The following GSE1 variants were observed in gnomAD, a reference collection of about 807,000 sequenced individuals.
GSE1 encodes genetic suppressor element 1.
Under a neutral mutation model 112.6 loss-of-function variants are expected in GSE1, and 32 were observed. The ratio of observed to expected loss-of-function variants is 0.28; its 90% CI spans 0.21 to 0.38. GSE1 has a LOEUF of 0.38. Ranked by LOEUF, GSE1 falls within the 10% of genes least tolerant of loss-of-function variation. The pLI is 1.00. For missense variants in GSE1, 2,348 were observed against 1,699.2 expected, an observed-to-expected ratio of 1.38 and a Z score of -6.71; for synonymous variants, 1,115 against 735.6, an observed-to-expected ratio of 1.52 and a Z score of -8.35.
chr16:85,422,369 C>CGG (rs1467172483), intron 2 of GSE1, among the ~76,000 whole-genome samples: 3 of 78,512 alleles, frequency 3.8e-5, no homozygotes, highest in Admixed American at 1.4e-4. Flanking sequence ...CTGGGCGGGG[C>CGG]GGGGGGGGGT....
intron 2 of GSE1, among the ~76,000 whole-genome samples, chr16:85,523,969 G>A (rs972950253): frequency 6.6e-6 from 1 of 152,184 alleles, no homozygotes; most frequent in Non-Finnish European, 1.5e-5. Context: ...GAACGCCTTG[G>A]GGAGGGGAGG....
chr16:85,201,380 G>A (rs559108297), intron 1 of GSE1, among the ~76,000 whole-genome samples: 4 of 150,420 alleles, frequency 2.7e-5, no homozygotes, highest in East Asian at 3.9e-4. Context: ...ACGTGAAGCC[G>A]GGCACGATGG....
At chr16:85,436,711 C>T (rs992121173) in intron 2 of GSE1, among the ~76,000 whole-genome samples, 1 of 152,242 alleles carries the variant, frequency 6.6e-6, no homozygotes, top group African/African-American at 2.4e-5. Flanking sequence ...CCCGTGGGCG[C>T]CTGTCTCCTG....
chr16:85,671,634 C>T (rs967815463), intron 15 of GSE1, among the ~76,000 whole-genome samples: 3 of 152,064 alleles, frequency 2.0e-5, no homozygotes, highest in Admixed American at 6.5e-5. Context: ...TAAATTCAGA[C>T]ACCAGTTGAT....
At chr16:85,387,201 G>A (rs2047706586) in intron 2 of GSE1, among the ~76,000 whole-genome samples, 1 of 152,178 alleles carries the variant, frequency 6.6e-6, no homozygotes, top group Non-Finnish European at 1.5e-5. Flanking sequence ...CCTAAGGAGG[G>A]TGGTGGGAGC....
intron 7 of GSE1, among the ~76,000 whole-genome samples, 186 bp downstream of exon 7, chr16:85,656,851 G>T (rs988094434): frequency 6.6e-6 from 1 of 152,246 alleles, no homozygotes; most frequent in Non-Finnish European, 1.5e-5. Flanking sequence ...TAGACACAGT[G>T]GATATAGCTG....
intron 2 of GSE1, among the ~76,000 whole-genome samples, chr16:85,647,281 C>G (rs1018852208): frequency 6.6e-6 from 1 of 152,200 alleles, no homozygotes; most frequent in African/African-American, 2.4e-5. Context: ...ACCCGCGGGG[C>G]TGCAGCCACC....
intron 1 of GSE1, among the ~76,000 whole-genome samples, chr16:85,231,059 T>A (rs1904279737): frequency 7.0e-6 from 1 of 142,454 alleles, no homozygotes; most frequent in Admixed American, 7.1e-5. Flanking sequence ...TGATGATGGA[T>A]GGATAGCTGG....
intron 1 of GSE1, among the ~76,000 whole-genome samples, chr16:85,281,325 G>T (rs1218571969): frequency 6.6e-6 from 1 of 151,938 alleles, no homozygotes; most frequent in Non-Finnish European, 1.5e-5. Flanking sequence ...ACTCTGGATG[G>T]TGACGTTCAC....
intron 1 of GSE1, among the ~76,000 whole-genome samples, chr16:85,269,447 AGT>A (rs35293678): frequency 0.22 from 31,460 of 146,096 alleles, 5,222 homozygotes; most frequent in African/African-American, 0.32. Context: ...TGGGTGTGTG[AGT>A]GTGTGTGTGT....
chr16:85,357,450 CT>C, intron 1 of GSE1: 1 of 1,206,704 alleles, frequency 8.3e-7, no homozygotes, highest in Non-Finnish European at 1.1e-6. Flanking sequence ...GTGTCCACCT[CT>C]TTTCCTTTCA....
rs774556868 is a variant in GSE1 at position 85,663,040 on chromosome 16, C to T, written c.2320C>T (p.His774Tyr). The change falls in exon 10 of 16, where the codon CAC (histidine) becomes TAC (tyrosine). Residue 774 changes from histidine (H) to tyrosine (Y), a missense_variant. Coordinates refer to ENST00000253458, the MANE Select transcript of GSE1 (RefSeq NM_014615.5). ...GAGCGATGAGGAGGAGGTCAGGGCC[C>T]ACCTCCGTTGCGTGGCCGAGCAGCC... The part of the protein sequence containing the change: ...DESDEEEVRA[H>Y]LRCVAEQPPL... 2 of 1,613,292 alleles carry T rather than the reference C, an allele frequency of 1.2e-6. No individual in the cohort carries two copies. The highest frequency in any genetic ancestry group is 1.7e-5 in the Admixed American group (1 of 60,030).
At chr16:85,172,634 C>T (rs909335509) in intron 1 of GSE1, among the ~76,000 whole-genome samples, 3 of 152,252 alleles carry the variant, frequency 2.0e-5, no homozygotes, top group African/African-American at 4.8e-5. Flanking sequence ...GTCACCAACC[C>T]GGCCACCGGG....
chr16:85,213,997 G>A (rs1215920363), intron 1 of GSE1, among the ~76,000 whole-genome samples: 1 of 152,238 alleles, frequency 6.6e-6, no homozygotes, highest in Non-Finnish European at 1.5e-5. Context: ...TAAGGGAGGT[G>A]GAGGCCATCC....
chr16:85,574,065 C>T (rs1014630581), intron 1 of GSE1, among the ~76,000 whole-genome samples: 6 of 151,804 alleles, frequency 4.0e-5, no homozygotes, highest in Non-Finnish European at 4.4e-5. Context: ...ACATGGCGGG[C>T]GGGGGCGCCA....
chr16:85,571,700 A>G (rs1467794177), intron 1 of GSE1, among the ~76,000 whole-genome samples: 4 of 152,170 alleles, frequency 2.6e-5, no homozygotes. Flanking sequence ...ACTGAGGGGG[A>G]GAAACAGGTC....
intron 2 of GSE1, among the ~76,000 whole-genome samples, chr16:85,472,573 C>T (rs987723979): frequency 2.6e-5 from 4 of 152,194 alleles, no homozygotes; most frequent in South Asian, 2.1e-4. Flanking sequence ...GGCCATATTA[C>T]GGGGTGACCA....
At chr16:85,170,093 G>A (rs1484648056) in exon 1 of GSE1, 11 of 985,126 alleles carry the variant, frequency 1.1e-5, no homozygotes, top group Non-Finnish European at 1.3e-5. Flanking sequence ...CCGCCCGCGC[G>A]GGACGCCGCC....
chr16:85,531,508 A>G lies in GSE1; in HGVS notation c.2465-102406A>G, dbSNP rs549054442. Among the ~76,000 whole-genome samples the G allele has an allele frequency of 3.3e-5, 5 of 152,298 alleles. No individual in the cohort carries two copies. In the South Asian group the frequency reaches 1.0e-3, roughly 32 times the overall value. On this transcript the variant is annotated intron_variant, in intron 2 of 2. Coordinates refer to the GSE1 transcript ENST00000637419. ...CTCGGAGGGCCTCAGCTTTCCAGGC[A>G]GGCATTCTTGGCCCAGCCTCTGCTA...
Sources: allele counts gnomAD v4.1 joint callset (sites outside exome capture counted in the v4.1 genomes callset), GRCh38; gene constraint gnomAD v4.1.1; transcripts MANE v1.5; gene names NCBI Gene and HGNC (gene_info 2026-07-23, HGNC 2026-07-21).